The following CREB5 variants were observed in gnomAD, a reference collection of about 807,000 sequenced individuals.
The protein encoded by CREB5 is cyclic AMP-responsive element-binding protein 5.
CREB5 carries 19 observed loss-of-function variants against 57.1 expected under a neutral mutation model. The observed-to-expected ratio is 0.33, with a 90% CI of 0.23 to 0.49. The LOEUF is 0.49. Ranked by LOEUF, CREB5 falls within the 20% of genes least tolerant of loss-of-function variation. CREB5 has a pLI of 0.99. For synonymous variants in CREB5, 238 were observed against 238.3 expected (o/e 1.00, Z 0.01); for missense variants, 579 against 671.6 (o/e 0.86, Z 1.52).
chr7:28,792,689 C>G (rs1350858660), intron 7 of CREB5, among the ~76,000 whole-genome samples: 1 of 152,200 alleles, frequency 6.6e-6, no homozygotes, highest in Non-Finnish European at 1.5e-5. Flanking sequence ...ATTCTGGCTT[C>G]CTTGAGCACA....
chr7:28,779,923 C>T (rs558157877), intron 7 of CREB5, among the ~76,000 whole-genome samples: 1 of 152,118 alleles, frequency 6.6e-6, no homozygotes, highest in East Asian at 1.9e-4. Context: ...GTGGTGTGTA[C>T]ACTTTTTTGT....
chr7:28,504,990 A>G (rs551981059), intron 3 of CREB5, among the ~76,000 whole-genome samples: 1 of 152,292 alleles, frequency 6.6e-6, no homozygotes, highest in East Asian at 1.9e-4. Flanking sequence ...TGCTGAGACT[A>G]CTTGTGGATC....
intron 5 of CREB5, among the ~76,000 whole-genome samples, chr7:28,612,332 C>A (rs1797423657): frequency 6.6e-6 from 1 of 151,988 alleles, no homozygotes. Flanking sequence ...ATGGGCAACA[C>A]CTACAAGCCG....
At chr7:28,371,482 A>ACT (rs1231251782) in intron 1 of CREB5, among the ~76,000 whole-genome samples, 13 of 113,538 alleles carry the variant, frequency 1.1e-4, no homozygotes, top group African/African-American at 4.2e-4. Context: ...GAGTGAGACT[A>ACT]CTCCATCTCA....
rs189284656 is a variant in CREB5, at chr7:28,323,606, C to T, written c.-25+24165C>T. Among the ~76,000 whole-genome samples the T allele has an allele frequency of 6.8e-4, 103 of 152,206 alleles. 2 individuals are homozygous for T. Among genetic ancestry groups the T allele is most frequent in the African/African-American group, 2.5e-3 (103 of 41,536 alleles). On this transcript the variant is annotated intron_variant, in intron 1 of 9. Transcript: ENST00000396299. ...TCAGTATCTCCCCTCCTGTGTCACT[C>T]ACTGTATCTCCAACATCCCTACTCT...
At chr7:28,447,396 A>T (rs10230155) in intron 1 of CREB5, among the ~76,000 whole-genome samples, 84,273 of 152,088 alleles carry the variant, frequency 0.55, 23,679 homozygotes, top group Middle Eastern at 0.65. Context: ...CCTTCAAACA[A>T]GTTTCTTCAT....
Position 28,731,147 on chromosome 7 carries a change from A to T in CREB5, c.702+6815A>T, listed in dbSNP as rs74843579. ...ATAGCACTTTGAGACTAACACTGAGAGCCAACAGAAACCCCATCTCCTTTC... is the reference window on the plus strand; with the variant it reads ...ATAGCACTTTGAGACTAACACTGAGTGCCAACAGAAACCCCATCTCCTTTC... On this transcript the variant is annotated intron_variant, in intron 7 of 10. Coordinates refer to ENST00000357727, the MANE Select transcript of CREB5 (RefSeq NM_182898.4). 3.3e-4 allele frequency among the ~76,000 whole-genome samples: 50 copies of T among 152,328 alleles called. No homozygotes were observed. The East Asian group carries it at 8.3e-3, about 25-fold the overall frequency.
chr7:28,777,536 G>A (rs762216161), intron 7 of CREB5, among the ~76,000 whole-genome samples: 3 of 152,048 alleles, frequency 2.0e-5, no homozygotes, highest in Non-Finnish European at 2.9e-5. Context: ...CATCAACAAG[G>A]TAGCCTGTTC....
At chr7:28,472,354 T>C (rs1245991621) in intron 1 of CREB5, among the ~76,000 whole-genome samples, 2 of 152,212 alleles carry the variant, frequency 1.3e-5, no homozygotes, top group Non-Finnish European at 2.9e-5. Context: ...TATGTGTATT[T>C]GTGTATATGC....
At chr7:28,648,098 T>A (rs1798958841) in intron 5 of CREB5, among the ~76,000 whole-genome samples, 1 of 152,070 alleles carries the variant, frequency 6.6e-6, no homozygotes, top group Non-Finnish European at 1.5e-5. Context: ...CCATAGCAAG[T>A]TTGAAGTTAT....
intron 4 of CREB5, among the ~76,000 whole-genome samples, chr7:28,548,762 C>T (rs1034796540): frequency 1.2e-4 from 18 of 152,152 alleles, no homozygotes; most frequent in African/African-American, 2.9e-4. Context: ...TTTCTAATTA[C>T]GTATTTGTTA....
chr7:28,541,369 G>GA (rs763497490), intron 4 of CREB5, among the ~76,000 whole-genome samples: 8 of 152,082 alleles, frequency 5.3e-5, no homozygotes, highest in African/African-American at 1.2e-4. Flanking sequence ...CCCACTCAGA[G>GA]AAAAAACCTT....
chr7:28,326,460 C>T (rs191610434), intron 1 of CREB5, among the ~76,000 whole-genome samples: 4 of 152,318 alleles, frequency 2.6e-5, no homozygotes, highest in Admixed American at 1.3e-4. Flanking sequence ...AATTGGGAAT[C>T]CATGCTTCCA....
At chr7:28,764,941 CAT>C (rs1805882236) in intron 7 of CREB5, among the ~76,000 whole-genome samples, 1 of 152,174 alleles carries the variant, frequency 6.6e-6, no homozygotes, top group Admixed American at 6.5e-5. Context: ...TGCCGCCTTT[CAT>C]AGTCTCTCAT....
chr7:28,507,626 G>T lies in CREB5; in HGVS notation c.180G>T (p.Pro60=). The change falls in exon 4 of 11, where the codon CCG becomes CCT. Residue 60 remains proline, a synonymous_variant. Coordinates refer to ENST00000357727, the MANE Select transcript of CREB5 (RefSeq NM_182898.4). ...CGACTCTGTTTTCAGATCAAACTCC[G>T]ACCCCAACGAGATTCCTGAAGAACT... ...KTDNMLSDQT[P]TPTRFLKNCE... The T allele has an allele frequency of 6.2e-7, 1 of 1,609,710 alleles. No individual in the cohort carries two copies. The highest frequency in any genetic ancestry group is 8.5e-7 in the Non-Finnish European group (1 of 1,176,884).
At chr7:28,568,040 G>A (rs1335868032) in intron 4 of CREB5, among the ~76,000 whole-genome samples, 1 of 152,156 alleles carries the variant, frequency 6.6e-6, no homozygotes, top group Non-Finnish European at 1.5e-5. Flanking sequence ...AAGCCAGAGT[G>A]CATGAAGGAG....
At chr7:28,468,646 C>T (rs879877935) in intron 1 of CREB5, among the ~76,000 whole-genome samples, 5 of 152,192 alleles carry the variant, frequency 3.3e-5, no homozygotes, top group Non-Finnish European at 4.4e-5. Context: ...GCACTCTCAT[C>T]GTCTCCCTTG....
chr7:28,445,582 C>A (rs1211354915), intron 1 of CREB5, among the ~76,000 whole-genome samples: 1 of 151,254 alleles, frequency 6.6e-6, no homozygotes, highest in Non-Finnish European at 1.5e-5. Flanking sequence ...GACGGAATCT[C>A]GCTCTGTTGC....
chr7:28,337,019 G>A (rs1349127775), intron 1 of CREB5, among the ~76,000 whole-genome samples: 2 of 151,876 alleles, frequency 1.3e-5, no homozygotes, highest in African/African-American at 4.8e-5. Context: ...TTCCTCCTGT[G>A]ATTGATTTCT....
Sources: gnomAD v4.1 joint callset for allele counts (sites outside exome capture counted in the v4.1 genomes callset) on GRCh38, gnomAD v4.1.1 for gene constraint, MANE v1.5 for transcripts, NCBI Gene and HGNC (gene_info 2026-07-23, HGNC 2026-07-21) for gene names.